The following USP45 variants were observed in gnomAD, a reference collection of about 807,000 sequenced individuals.
USP45 encodes ubiquitin carboxyl-terminal hydrolase 45.
USP45 carries 89 observed loss-of-function variants against 95.8 expected under a neutral mutation model. That is an observed-to-expected ratio of 0.93 (90% CI 0.78 to 1.11). The LOEUF is 1.11. USP45 is among the 50% of genes least tolerant of loss of function. USP45 has a pLI of 0.00. For synonymous variants in USP45, 281 were observed against 316.2 expected (o/e 0.89, Z 1.18); for missense variants, 898 against 942.5 (o/e 0.95, Z 0.62).
intron 8 of USP45, 146 bp from the exon 9 acceptor site, chr6:99,476,376 G>GGT: frequency 1.1e-5 from 8 of 730,624 alleles, no homozygotes; most frequent in Non-Finnish European, 1.7e-5. Context: ...GGGAGGCCAA[G>GGT]GGGCAGATCA....
Position 99,446,169 on chromosome 6 carries a change from A to G in USP45, c.1603T>C (p.Tyr535His). Reference protein sequence around the residue: ...GSGVQPDGPLYPLSAGKLLYT... With the variant: ...GSGVQPDGPLHPLSAGKLLYT... ...AGCAGTTTACCTGCTGACAGAGGGT[A>G]AAGGGGTCCATCTGGCTGCACACCG... Residue 535 changes from tyrosine to histidine, a missense_variant, in exon 14 of 18, where the codon TAC (tyrosine) becomes CAC (histidine). Physicochemically the swap from Tyr to His is moderately conservative, Grantham distance 83. Transcript: ENST00000500704. 6.2e-7 allele frequency: 1 copy of G among 1,614,190 alleles called. No individual in the cohort carries two copies. The highest frequency in any genetic ancestry group is 1.3e-5 in the African/African-American group (1 of 75,062).
intron 16 of USP45, among the ~76,000 whole-genome samples, chr6:99,439,486 T>C (rs1781119370): frequency 6.6e-6 from 1 of 152,286 alleles, no homozygotes; most frequent in East Asian, 1.9e-4. Context: ...AAAACCTCCT[T>C]CTCTCAGCAA....
chr6:99,452,199 G>T (rs12192775), intron 13 of USP45, among the ~76,000 whole-genome samples: 46,245 of 152,030 alleles, frequency 0.3, 7,331 homozygotes, highest in Middle Eastern at 0.39. Context: ...TTAAACTAAG[G>T]AGCTTCTGCA....
intron 2 of USP45, among the ~76,000 whole-genome samples, chr6:99,509,179 T>C (rs1799209582): frequency 6.6e-6 from 1 of 152,198 alleles, no homozygotes; most frequent in Non-Finnish European, 1.5e-5. Flanking sequence ...TTAAATATCA[T>C]TAGGACCTTA....
chr6:99,447,192 A>AG lies in USP45; in HGVS notation c.1309-730dup, dbSNP rs141528076. On this transcript the variant is annotated intron_variant, in intron 13 of 17. Transcript: ENST00000500704. ...GGAAAAAAATAACCTAAGTTTGGGA[A>AG]GGGGGGAATCAACTAATTAAAAATT... 6.5e-3 allele frequency among the ~76,000 whole-genome samples: 986 copies of AG among 152,316 alleles called. 12 individuals carry two copies. The highest frequency in any genetic ancestry group is 0.023 in the African/African-American group (951 of 41,570).
At chr6:99,474,113 A>T (rs1790203154) in intron 9 of USP45, among the ~76,000 whole-genome samples, 1 of 152,216 alleles carries the variant, frequency 6.6e-6, no homozygotes. Context: ...AGGAAACTTT[A>T]AAGAAAATAT....
intron 13 of USP45, among the ~76,000 whole-genome samples, chr6:99,447,194 G>C (rs996799056): frequency 3.3e-5 from 5 of 152,150 alleles, no homozygotes; most frequent in African/African-American, 4.8e-5. Flanking sequence ...GTTTGGGAAG[G>C]GGGGAATCAA....
chr6:99,437,539 A>C, intron 16 of USP45, 140 bp from the exon 17 acceptor site: 2 of 889,508 alleles, frequency 2.2e-6, no homozygotes, highest in Non-Finnish European at 3.2e-6. Context: ...CTAGGCTGGC[A>C]AAATGGAAAA....
chr6:99,463,800 C>CAAAAAAAA (rs398002416), intron 13 of USP45, among the ~76,000 whole-genome samples: 1 of 84,462 alleles, frequency 1.2e-5, no homozygotes, highest in African/African-American at 4.2e-5. Flanking sequence ...GACTCCATCT[C>CAAAAAAAA]AAAAAAAAAA....
chr6:99,481,984 T>C (rs1242807490), intron 8 of USP45, among the ~76,000 whole-genome samples: 1 of 152,232 alleles, frequency 6.6e-6, no homozygotes, highest in Non-Finnish European at 1.5e-5. Context: ...CTAAGCCCTC[T>C]ATTTTGGACT....
intron 1 of USP45, 147 bp from the exon 2 acceptor site, chr6:99,510,377 G>A (rs1799519343): frequency 1.7e-6 from 1 of 595,616 alleles, no homozygotes; most frequent in Admixed American, 3.0e-5. Flanking sequence ...AACATCACTT[G>A]AAATGAAATA....
intron 5 of USP45, among the ~76,000 whole-genome samples, chr6:99,491,749 A>C (rs1050580605): frequency 2.6e-5 from 4 of 152,144 alleles, no homozygotes; most frequent in Non-Finnish European, 4.4e-5. Flanking sequence ...TGACTCCTCA[A>C]AAATATCTTT....
intron 4 of USP45, among the ~76,000 whole-genome samples, chr6:99,505,934 C>T (rs1798432892): frequency 6.6e-6 from 1 of 152,148 alleles, no homozygotes; most frequent in Non-Finnish European, 1.5e-5. Context: ...ATTGAACTGC[C>T]ACACTATGGC....
Position 99,446,047 on chromosome 6 carries a change from G to C in USP45, c.1725C>G (p.Asp575Glu). ...AAATATTTAGTGGCTGATTTTCTCT[G>C]TCAAAATCTTGATCTCCAGTTACAG... The part of the protein sequence containing the change: ...SSTVTGDQDF[D>E]RENQPLNISN... The change falls in exon 14 of 18, where the codon GAC becomes GAG. Residue 575 changes from aspartate to glutamate, a missense_variant. Physicochemically the swap from Asp to Glu is conservative, Grantham distance 45. Transcript: ENST00000500704. The C allele has an allele frequency of 6.2e-7, 1 of 1,614,050 alleles. No homozygotes were observed. Among genetic ancestry groups the C allele is most frequent in the Non-Finnish European group, 8.5e-7 (1 of 1,180,040 alleles).
At chr6:99,513,413 G>A (rs1466783644) in intron 1 of USP45, among the ~76,000 whole-genome samples, 1 of 152,110 alleles carries the variant, frequency 6.6e-6, no homozygotes, top group Admixed American at 6.5e-5. Context: ...AGAGACATAA[G>A]CAGACGGCAA....
chr6:99,499,690 C>T (rs950860738), intron 5 of USP45, among the ~76,000 whole-genome samples: 2 of 152,320 alleles, frequency 1.3e-5, no homozygotes, highest in East Asian at 3.9e-4. Context: ...GTGCTATTCA[C>T]GGTTCCATAA....
intron 13 of USP45, among the ~76,000 whole-genome samples, chr6:99,458,572 G>C (rs1562334648): frequency 6.6e-6 from 1 of 152,188 alleles, no homozygotes. Context: ...ATTTCTGCCA[G>C]ACTACTTGTA....
chr6:99,432,963 T>A lies in USP45; in HGVS notation c.*2753A>T, dbSNP rs6915401. On this transcript the variant is annotated 3_prime_UTR_variant, in exon 18 of 18. Transcript: ENST00000500704. ...TACATTTAAAATAAGAGAACAGGCA[T>A]CAACTATTCTTTGAATTGATACCAA... 0.46 allele frequency: 69,577 copies of A among 152,296 alleles called. 16,642 individuals are homozygous for A. The highest frequency in any genetic ancestry group is 0.89 in the East Asian group (4,605 of 5,186). The allele number at this position is 152,296 out of a possible 1,614,324, so 9.4% of individuals were successfully genotyped here.
At chr6:99,503,691 T>A in intron 5 of USP45, 74 bp downstream of exon 5, 1 of 1,022,398 alleles carries the variant, frequency 9.8e-7, no homozygotes, top group South Asian at 1.8e-5. Flanking sequence ...TCTAAAGTAT[T>A]CTTTATGAAT....
Sources: allele counts gnomAD v4.1 joint callset (sites outside exome capture counted in the v4.1 genomes callset), GRCh38; gene constraint gnomAD v4.1.1; transcripts MANE v1.5; gene names NCBI Gene and HGNC (gene_info 2026-07-23, HGNC 2026-07-21).